Variants in WDR20 observed in about 807,000 individuals in gnomAD.
WDR20 encodes WD repeat domain 20, also known as WD repeat-containing protein 20.
Under a neutral mutation model 38.7 loss-of-function variants are expected in WDR20, and 3 were observed. The observed-to-expected ratio is 0.08, with a 90% CI of 0.04 to 0.20. The LOEUF (loss-of-function observed/expected upper bound fraction) is 0.20. Ranked by LOEUF, WDR20 falls within the 10% of genes least tolerant of loss-of-function variation. WDR20 has a pLI of 1.00. For missense variants in WDR20, 559 were observed against 727.7 expected (o/e 0.77, Z 2.67); for synonymous variants, 298 against 285.6 (o/e 1.04, Z -0.44).
At chr14:102,173,449 A>G (rs1305377652) in intron 1 of WDR20, among the ~76,000 whole-genome samples, 1 of 12,108 alleles carries the variant, frequency 8.3e-5, no homozygotes, top group East Asian at 8.9e-3. Flanking sequence ...TATTATTATT[A>G]TTATTATTAT....
rs189538331 is a variant in WDR20 at position 102,154,599 on chromosome 14, T to C, written c.249+14427T>C. Among the ~76,000 whole-genome samples the C allele has an allele frequency of 9.2e-5, 14 of 152,322 alleles. No individual in the cohort carries two copies. The East Asian group carries it at 2.7e-3, about 29-fold the overall frequency. On this transcript the variant is annotated intron_variant, in intron 1 of 2. Transcript: ENST00000342702. ...CTTATGTATGCATTTGTCTGTCTCT[T>C]TCACCTTCCTTATTGAACATAAGCT...
Position 102,208,452 on chromosome 14 carries a change from TC to T in WDR20, c.433-149del. The stretch of plus-strand genomic sequence containing the variant: ...AATTACCCCAAAAGGGCCAAAACGC[TC>T]CTTGCTGGCTTGGCTGACTGCAGGA... On this transcript the variant is annotated intron_variant, in intron 2 of 2. Coordinates refer to ENST00000342702, the MANE Select transcript of WDR20 (RefSeq NM_144574.4). This position sits in a 1 kb window ranked among gnomAD's most constrained non-coding sequence, Gnocchi z 5.6. 9.1e-7 allele frequency: 1 copy of T among 1,102,200 alleles called. No individual in the cohort carries two copies. Among genetic ancestry groups the T allele is most frequent in the Non-Finnish European group, 1.2e-6 (1 of 800,714 alleles). The allele number at this position is 1,102,200 out of a possible 1,614,324, so 68.3% of individuals were successfully genotyped here. A position where few individuals can be genotyped will look rare whatever the true frequency, so the allele number is the denominator to read the frequency against.
intron 1 of WDR20, among the ~76,000 whole-genome samples, chr14:102,169,959 T>C (rs1463045563): frequency 6.6e-6 from 1 of 152,196 alleles, no homozygotes; most frequent in African/African-American, 2.4e-5. Context: ...ATGAAGTCTC[T>C]CACACTTTGC....
At chr14:102,198,195 C>A (rs2059738512) in intron 2 of WDR20, 1 of 204,076 alleles carries the variant, frequency 4.9e-6, no homozygotes, top group South Asian at 5.0e-5. Flanking sequence ...GTGGCGCAAT[C>A]TTGGCTCACT....
chr14:102,214,456 T>C, downstream of WDR20: 1 of 985,484 alleles, frequency 1.0e-6, no homozygotes, highest in Non-Finnish European at 1.2e-6. Context: ...TTACGAACTA[T>C]AAGAACGTGC....
At chr14:102,160,045 A>C (rs900705788) in intron 1 of WDR20, among the ~76,000 whole-genome samples, 1 of 152,162 alleles carries the variant, frequency 6.6e-6, no homozygotes, top group African/African-American at 2.4e-5. Flanking sequence ...TCAACGCTTC[A>C]GTGAGCTATG....
rs76688126 is a variant in WDR20 at position 102,162,128 on chromosome 14, A to G, written c.249+21956A>G. On this transcript the variant is annotated intron_variant, in intron 1 of 2. Transcript: ENST00000342702. Reference sequence around the variant, plus strand: ...ATTGGATAAGCGAGTAAGAAATGCAAACTACACTGAGGTCTTGCACTGGTC... The same window carrying G: ...ATTGGATAAGCGAGTAAGAAATGCAGACTACACTGAGGTCTTGCACTGGTC... 7.5e-3 allele frequency among the ~76,000 whole-genome samples: 1,139 copies of G among 152,288 alleles called. 22 individuals are homozygous for G. Among genetic ancestry groups the G allele is most frequent in the African/African-American group, 0.026 (1,063 of 41,524 alleles).
chr14:102,145,673 A>C (rs1012229270), intron 1 of WDR20, among the ~76,000 whole-genome samples: 1 of 152,142 alleles, frequency 6.6e-6, no homozygotes, highest in Non-Finnish European at 1.5e-5. Flanking sequence ...TGGAAGGCTG[A>C]GGTAGAAGGG....
intron 1 of WDR20, among the ~76,000 whole-genome samples, chr14:102,162,218 G>A (rs750192647): frequency 4.6e-5 from 7 of 152,288 alleles, no homozygotes; most frequent in South Asian, 2.1e-4. Flanking sequence ...TAGGAGAACC[G>A]GTACAGCAGG....
chr14:102,180,523 G>A (rs1316697912), intron 1 of WDR20, among the ~76,000 whole-genome samples: 4 of 152,216 alleles, frequency 2.6e-5, no homozygotes, highest in Non-Finnish European at 1.5e-5. Context: ...AGCCTCCGGA[G>A]TAGCTGGGAT....
At chr14:102,148,669 T>G (rs865966412) in intron 1 of WDR20, among the ~76,000 whole-genome samples, 2 of 144,836 alleles carry the variant, frequency 1.4e-5, no homozygotes, top group African/African-American at 2.6e-5. Context: ...GAGTTTGGCT[T>G]TGTGTGTGTG....
At chr14:102,219,796 CCTG>C (rs1161418865), downstream of WDR20, among the ~76,000 whole-genome samples, 3 of 152,356 alleles carry the variant, frequency 2.0e-5, no homozygotes, top group Non-Finnish European at 4.4e-5. Context: ...AAGGGCGAAG[CCTG>C]CTAACGGGAA....
chr14:102,150,243 A>G (rs993725371), intron 1 of WDR20, among the ~76,000 whole-genome samples: 3 of 152,120 alleles, frequency 2.0e-5, no homozygotes, highest in African/African-American at 7.2e-5. Context: ...TGGGAGGCTG[A>G]GGTGGGAGGA....
chr14:102,217,329 TC>T (rs148472097), downstream of WDR20, among the ~76,000 whole-genome samples: 3 of 152,202 alleles, frequency 2.0e-5, no homozygotes, highest in Non-Finnish European at 2.9e-5. Flanking sequence ...ATGCTTTTCT[TC>T]CACCTTCAGA....
In WDR20 at chr14:102,144,316, C is replaced by G. The variant is rs142208506; in HGVS notation, c.249+4144C>G. On this transcript the variant is annotated intron_variant, in intron 1 of 2. Transcript: ENST00000342702. ...TGGCCAACATGGTAAAACCCCATCT[C>G]TACTAAAAATACAAAATTAGCTGGG... Among the ~76,000 whole-genome samples, 690 of 152,098 alleles carry G rather than the reference C, an allele frequency of 4.5e-3. 6 individuals carry two copies. Among genetic ancestry groups the G allele is most frequent in the African/African-American group, 0.015 (640 of 41,498 alleles).
chr14:102,188,881 A>C (rs1013878331), intron 1 of WDR20, among the ~76,000 whole-genome samples: 1 of 130,666 alleles, frequency 7.7e-6, no homozygotes, highest in African/African-American at 2.9e-5. Context: ...TCAAAAAAAA[A>C]AAAAAAAAAA....
downstream of WDR20, among the ~76,000 whole-genome samples, chr14:102,215,330 G>C (rs1402472762): frequency 6.6e-6 from 1 of 152,186 alleles, no homozygotes; most frequent in Non-Finnish European, 1.5e-5. Context: ...TTCTGAAGTC[G>C]TCCTGGGCCA....
In WDR20 at chr14:102,208,720, G is replaced by A. The variant is rs771878849; in HGVS notation, c.550G>A (p.Gly184Ser). 1.9e-6 allele frequency: 3 copies of A among 1,614,160 alleles called. No individual in the cohort carries two copies. The highest frequency in any genetic ancestry group is 2.2e-5 in the East Asian group (1 of 44,882). ...CTTATATAATGTGGAGCACACTTGT[G>A]GCACCACAGCCCCCCACTACCAGCT... Reference protein sequence around the residue: ...MYLYNVEHTCGTTAPHYQLLK... With the variant: ...MYLYNVEHTCSTTAPHYQLLK... Residue 184 changes from glycine to serine, a missense_variant, in exon 3 of 3, where the codon GGC (glycine) becomes AGC (serine). By Grantham distance (56) the Gly-to-Ser change is moderately conservative. Transcript: ENST00000342702. This position sits in a 1 kb window ranked among gnomAD's most constrained non-coding sequence, Gnocchi z 5.6.
intron 1 of WDR20, among the ~76,000 whole-genome samples, chr14:102,148,178 T>C (rs763598496): frequency 6.6e-6 from 1 of 152,254 alleles, no homozygotes; most frequent in Non-Finnish European, 1.5e-5. Context: ...ACCTTAAAAA[T>C]AGAAGTAACC....
Sources: gnomAD v4.1 joint callset for allele counts (sites outside exome capture counted in the v4.1 genomes callset) on GRCh38, gnomAD v4.1.1 for gene constraint, Gnocchi (gnomAD v3.1) non-coding constraint, MANE v1.5 for transcripts, NCBI Gene and HGNC (gene_info 2026-07-23, HGNC 2026-07-21) for gene names.